Variants in RARB observed in about 807,000 individuals in gnomAD.
The protein encoded by RARB is retinoic acid receptor beta, also known as HBV-activated protein.
RARB carries 17 observed loss-of-function variants against 51.9 expected under a neutral mutation model. The ratio of observed to expected loss-of-function variants is 0.33; its 90% CI spans 0.22 to 0.49. RARB has a LOEUF of 0.49. Ranked by LOEUF, RARB falls within the 20% of genes least tolerant of loss-of-function variation. The pLI, the probability that RARB is intolerant of heterozygous loss-of-function variation, is 0.99. For synonymous variants in RARB, 215 were observed against 195.4 expected (o/e 1.10, Z -0.84); for missense variants, 369 against 550.8 (o/e 0.67, Z 3.30).
At chr3:25,451,010 C>T (rs1159331085) in intron 1 of RARB, among the ~76,000 whole-genome samples, 1 of 152,092 alleles carries the variant, frequency 6.6e-6, no homozygotes, top group Admixed American at 6.5e-5. Context: ...TCTCTTGATC[C>T]CGGGAGGCGG....
chr3:25,289,022 G>C (rs1474767334), intron 5 of RARB, among the ~76,000 whole-genome samples: 2 of 152,184 alleles, frequency 1.3e-5, no homozygotes, highest in South Asian at 2.1e-4. Context: ...CATTCATACT[G>C]TTCCGCCACT....
chr3:25,076,879 T>C (rs1038835876), intron 3 of RARB, among the ~76,000 whole-genome samples: 2 of 152,232 alleles, frequency 1.3e-5, no homozygotes, highest in African/African-American at 2.4e-5. Flanking sequence ...ATGCTTCCCA[T>C]GAGACATTTC....
intron 3 of RARB, among the ~76,000 whole-genome samples, chr3:25,074,416 T>C (rs1698830091): frequency 6.6e-6 from 1 of 152,178 alleles, no homozygotes; most frequent in Non-Finnish European, 1.5e-5. Context: ...CCTGGTGCTA[T>C]TTCCCGTTAC....
chr3:25,252,506 C>T (rs913123212), intron 5 of RARB, among the ~76,000 whole-genome samples: 30 of 152,222 alleles, frequency 2.0e-4, no homozygotes, highest in Admixed American at 1.6e-3. Flanking sequence ...TTATTTAGGT[C>T]TTCTTTAACT....
At chr3:25,156,954 C>T (rs779500518) in intron 4 of RARB, among the ~76,000 whole-genome samples, 6 of 152,196 alleles carry the variant, frequency 3.9e-5, no homozygotes, top group Admixed American at 6.5e-5. Context: ...GGCTAGAGAT[C>T]GTAGCAGGCA....
chr3:25,157,141 G>A (rs968223186), intron 4 of RARB, among the ~76,000 whole-genome samples: 1 of 152,118 alleles, frequency 6.6e-6, no homozygotes, highest in Non-Finnish European at 1.5e-5. Flanking sequence ...AAGTAATACA[G>A]GAAACAATAA....
chr3:24,833,251 T>G (rs1200616488), intron 1 of RARB: 2 of 152,272 alleles, frequency 1.3e-5, no homozygotes, highest in Non-Finnish European at 2.9e-5. Context: ...TTTCAGTGAC[T>G]TTGGTGGCTT....
rs145891807 is a variant in RARB, at chr3:24,867,892, C to T, written c.-380+9140C>T. Among the ~76,000 whole-genome samples, 957 of 152,200 alleles carry T rather than the reference C, an allele frequency of 6.3e-3. 9 individuals carry two copies. The highest frequency in any genetic ancestry group is 0.013 in the South Asian group (62 of 4,822). On this transcript the variant is annotated intron_variant, in intron 2 of 11. Transcript: ENST00000383772. ...TCATTGACTGCCATTGAGTTCAAGT[C>T]AACCATAGGCAGATTTCAAGTCGAC...
intron 3 of RARB, among the ~76,000 whole-genome samples, chr3:25,124,431 C>T (rs905944964): frequency 6.6e-6 from 1 of 152,132 alleles, no homozygotes; most frequent in African/African-American, 2.4e-5. Flanking sequence ...CTTAAATGGT[C>T]TTCATTTCTT....
At chr3:24,940,144 C>T (rs989760839) in intron 2 of RARB, among the ~76,000 whole-genome samples, 2 of 152,172 alleles carry the variant, frequency 1.3e-5, no homozygotes, top group Non-Finnish European at 2.9e-5. Flanking sequence ...CTAGACACGT[C>T]TCCTTTAAAT....
intron 1 of RARB, among the ~76,000 whole-genome samples, chr3:24,846,457 C>A (rs1345598416): frequency 6.6e-6 from 1 of 152,158 alleles, no homozygotes; most frequent in Non-Finnish European, 1.5e-5. Context: ...ATGTTATTGG[C>A]AACAGTGAAG....
intron 2 of RARB, among the ~76,000 whole-genome samples, chr3:24,975,901 C>CATTACATTAGGATAGG (rs1559418363): frequency 6.6e-6 from 1 of 152,118 alleles, no homozygotes; most frequent in Non-Finnish European, 1.5e-5. Context: ...GTATTTCTCC[C>CATTACATTAGGATAGG]AGCGCTATCC....
Position 25,018,074 on chromosome 3 carries a change from G to A in RARB, c.-379-42051G>A, listed in dbSNP as rs74806453. Among the ~76,000 whole-genome samples, 1,436 of 152,286 alleles carry A rather than the reference G, an allele frequency of 9.4e-3. 17 individuals are homozygous for A. The highest frequency in any genetic ancestry group is 0.033 in the African/African-American group (1,379 of 41,556). The stretch of plus-strand genomic sequence containing the variant: ...TAAATTTGTTATTTATAATCACCCA[G>A]TTTATGGTATTTTGTTATTGCAACC... On this transcript the variant is annotated intron_variant, in intron 2 of 11. Transcript: ENST00000383772.
chr3:25,023,015 T>C (rs1697670665), intron 2 of RARB, among the ~76,000 whole-genome samples: 1 of 152,160 alleles, frequency 6.6e-6, no homozygotes, highest in Non-Finnish European at 1.5e-5. Flanking sequence ...CTTTAGCTGC[T>C]GCATGGATTA....
intron 4 of RARB, among the ~76,000 whole-genome samples, chr3:25,143,618 G>C (rs1217164113): frequency 6.6e-6 from 1 of 152,250 alleles, no homozygotes; most frequent in East Asian, 1.9e-4. Context: ...AGCCTCTGTA[G>C]GTCTTTACAT....
chr3:25,080,415 G>A (rs573747963), intron 3 of RARB, among the ~76,000 whole-genome samples: 8 of 152,262 alleles, frequency 5.3e-5, no homozygotes, highest in East Asian at 1.9e-4. Context: ...ACCTGTTTAT[G>A]TCCCTGCTCT....
At chr3:24,878,674 A>G (rs1017168573) in intron 2 of RARB, among the ~76,000 whole-genome samples, 1 of 152,176 alleles carries the variant, frequency 6.6e-6, no homozygotes, top group African/African-American at 2.4e-5. Flanking sequence ...TGTGATAACC[A>G]AAAGTATGCC....
chr3:24,968,867 G>C (rs1282467076), intron 2 of RARB, among the ~76,000 whole-genome samples: 1 of 152,030 alleles, frequency 6.6e-6, no homozygotes, highest in Non-Finnish European at 1.5e-5. Context: ...GTAAATGAGA[G>C]GTCATTACTC....
chr3:25,422,841 TACAG>T (rs1707897615), intron 5 of RARB, among the ~76,000 whole-genome samples: 1 of 152,214 alleles, frequency 6.6e-6, no homozygotes, highest in African/African-American at 2.4e-5. Flanking sequence ...TTTATAAGGA[TACAG>T]ACAAGGCAAT....
Sources: gnomAD v4.1 joint callset for allele counts (sites outside exome capture counted in the v4.1 genomes callset) on GRCh38, gnomAD v4.1.1 for gene constraint, MANE v1.5 for transcripts, NCBI Gene and HGNC (gene_info 2026-07-23, HGNC 2026-07-21) for gene names.